The following TENM4 variants were observed in gnomAD, a reference collection of about 807,000 sequenced individuals.
TENM4 encodes teneurin-4.
Under a neutral mutation model 243.3 loss-of-function variants are expected in TENM4, and 82 were observed. That is an observed-to-expected ratio of 0.34 (90% CI 0.28 to 0.40). TENM4 has a LOEUF of 0.40. TENM4 is among the 10% of genes least tolerant of loss of function. The pLI is 1.00. For missense variants in TENM4, 3,138 were observed against 3,673.3 expected (o/e 0.85, Z 3.77); for synonymous variants, 1,412 against 1,456.3 (o/e 0.97, Z 0.69).
chr11:79,302,751 C>T (rs1052818319), intron 1 of TENM4, among the ~76,000 whole-genome samples: 15 of 152,258 alleles, frequency 9.9e-5, no homozygotes, highest in Middle Eastern at 6.8e-3. Context: ...TTGTATTTCC[C>T]CACTTTCCTA....
intron 1 of TENM4, among the ~76,000 whole-genome samples, chr11:79,312,780 C>T (rs977505427): frequency 6.6e-6 from 1 of 152,174 alleles, no homozygotes; most frequent in Non-Finnish European, 1.5e-5. Flanking sequence ...GGAATGGACA[C>T]CTGCAGAGTG....
At chr11:79,139,987 G>A in intron 4 of TENM4, among the ~76,000 whole-genome samples, 1 of 150,922 alleles carries the variant, frequency 6.6e-6, no homozygotes, top group East Asian at 2.0e-4. Flanking sequence ...CTGTCTCCTA[G>A]GTGACAGGCA....
chr11:79,209,996 A>C (rs1162300493), intron 3 of TENM4, among the ~76,000 whole-genome samples: 2 of 152,214 alleles, frequency 1.3e-5, no homozygotes, highest in African/African-American at 2.4e-5. Context: ...CATAGATACC[A>C]AGCCATAGTA....
chr11:78,938,527 A>T (rs1001072728), intron 6 of TENM4, among the ~76,000 whole-genome samples: 3 of 151,626 alleles, frequency 2.0e-5, no homozygotes, highest in South Asian at 4.2e-4. Flanking sequence ...TTCATAGTCA[A>T]TTTTTTTTTA....
chr11:78,698,406 A>ACCAG (rs1225650801), intron 28 of TENM4, among the ~76,000 whole-genome samples: 2 of 151,762 alleles, frequency 1.3e-5, no homozygotes, highest in African/African-American at 4.9e-5. Flanking sequence ...ACCGAACCAA[A>ACCAG]CCAACCAACC....
At position 78,657,676 on chromosome 11, in the gene TENM4, G is replaced by GC; in HGVS notation, c.*381dup. 1 of 390,842 alleles carries GC rather than the reference G, an allele frequency of 2.6e-6. No homozygotes were observed. The highest frequency in any genetic ancestry group is 4.8e-6 in the Non-Finnish European group (1 of 208,766). The allele number at this position is 390,842 out of a possible 1,614,324, so 24.2% of individuals were successfully genotyped here. A position where few individuals can be genotyped will look rare whatever the true frequency, so the allele number is the denominator to read the frequency against. ...AAAGGGTTGCACATGAGACAAGTTA[G>GC]CACAGACATTCATGTCCCACATCAC... On this transcript the variant is annotated 3_prime_UTR_variant, in exon 34 of 34. Transcript: ENST00000278550.
chr11:79,393,554 C>T (rs993145516), intron 1 of TENM4, among the ~76,000 whole-genome samples: 4 of 152,200 alleles, frequency 2.6e-5, no homozygotes, highest in East Asian at 1.9e-4. Context: ...GATGGGACTG[C>T]GTCAGCCCTC....
At chr11:79,294,106 A>AT (rs1412726256) in intron 2 of TENM4, among the ~76,000 whole-genome samples, 2 of 152,204 alleles carry the variant, frequency 1.3e-5, no homozygotes, top group African/African-American at 4.8e-5. Context: ...ATGCATGGCT[A>AT]ATGAAATAAT....
intron 4 of TENM4, among the ~76,000 whole-genome samples, chr11:79,089,312 G>T (rs886208043): frequency 1.3e-5 from 2 of 152,244 alleles, no homozygotes; most frequent in African/African-American, 4.8e-5. Context: ...ACCTTCCCAA[G>T]TTGTGCCTGC....
chr11:79,252,455 C>T (rs1590827181), intron 2 of TENM4, among the ~76,000 whole-genome samples: 1 of 152,034 alleles, frequency 6.6e-6, no homozygotes, highest in African/African-American at 2.4e-5. Flanking sequence ...ATCAGGCTGG[C>T]CTCGAACTCC....
chr11:78,796,526 C>T (rs1429675910), intron 15 of TENM4, among the ~76,000 whole-genome samples: 1 of 152,116 alleles, frequency 6.6e-6, no homozygotes, highest in Non-Finnish European at 1.5e-5. Context: ...GCTCATCTAT[C>T]TAACTCTTTC....
chr11:79,100,652 A>G (rs189002308), intron 4 of TENM4, among the ~76,000 whole-genome samples: 4 of 152,264 alleles, frequency 2.6e-5, no homozygotes, highest in Admixed American at 2.0e-4. Flanking sequence ...TATCTGTAGA[A>G]GCAATGACAA....
intron 3 of TENM4, among the ~76,000 whole-genome samples, chr11:79,176,315 A>G (rs944627343): frequency 7.9e-5 from 12 of 152,104 alleles, no homozygotes; most frequent in African/African-American, 2.7e-4. Context: ...TCTACACTCC[A>G]TTTACTCCAG....
At chr11:78,660,098 C>T (rs1300460155) in intron 33 of TENM4, among the ~76,000 whole-genome samples, 2 of 152,150 alleles carry the variant, frequency 1.3e-5, no homozygotes, top group Non-Finnish European at 1.5e-5. Flanking sequence ...AGGAGGGAGC[C>T]TGGTGAGGGA....
At chr11:78,977,526 A>G (rs2136607705) in intron 6 of TENM4, among the ~76,000 whole-genome samples, 1 of 152,282 alleles carries the variant, frequency 6.6e-6, no homozygotes, top group Admixed American at 6.5e-5. Flanking sequence ...TCCAGAGCCC[A>G]TTTTCTGTCT....
intron 1 of TENM4, among the ~76,000 whole-genome samples, chr11:79,301,071 G>C (rs79170644): frequency 0.03 from 4,562 of 152,112 alleles, 215 homozygotes; most frequent in African/African-American, 0.1. Context: ...CATCCCTCTG[G>C]GGGACTTCTG....
intron 6 of TENM4, among the ~76,000 whole-genome samples, chr11:78,921,402 TTC>T (rs1389631209): frequency 6.6e-6 from 1 of 151,886 alleles, no homozygotes; most frequent in African/African-American, 2.4e-5. Flanking sequence ...AACTCTGTTT[TTC>T]TCTCTCTCTA....
Position 79,064,810 on chromosome 11 carries a change from T to A in TENM4, c.421A>T (p.Ser141Cys), listed in dbSNP as rs1186875571. 6.4e-7 allele frequency: 1 copy of A among 1,551,392 alleles called. No homozygotes were observed. Among genetic ancestry groups the A allele is most frequent in the Non-Finnish European group, 8.7e-7 (1 of 1,146,988 alleles). ...TTGGCCCGGCTGGACAGGCAGGAGCTGCGCCCTGACCGTGTGCTCCGGCCC... is the reference window on the plus strand; with the variant it reads ...TTGGCCCGGCTGGACAGGCAGGAGCAGCGCCCTGACCGTGTGCTCCGGCCC... Reference protein sequence around the residue: ...LWGRSTRSGRSSCLSSRANSN... With the variant: ...LWGRSTRSGRCSCLSSRANSN... The change falls in exon 6 of 34, where the codon AGC becomes TGC. Residue 141 changes from serine to cysteine, a missense_variant. Physicochemically the swap from Ser to Cys is moderately radical, Grantham distance 112. Transcript: ENST00000278550.
chr11:79,341,081 G>C (rs1242436099), intron 1 of TENM4, among the ~76,000 whole-genome samples: 1 of 152,152 alleles, frequency 6.6e-6, no homozygotes, highest in Non-Finnish European at 1.5e-5. Context: ...CAGAACGCAG[G>C]CACCTCTAGA....
Sources: allele counts gnomAD v4.1 joint callset (sites outside exome capture counted in the v4.1 genomes callset), GRCh38; gene constraint gnomAD v4.1.1; transcripts MANE v1.5; gene names NCBI Gene and HGNC (gene_info 2026-07-23, HGNC 2026-07-21).